TPRG1: variants seen among roughly 807,000 people sequenced by gnomAD.
TPRG1 encodes tumor protein p63-regulated gene 1 protein.
Under a neutral mutation model 29.3 loss-of-function variants are expected in TPRG1, and 29 were observed. The ratio of observed to expected loss-of-function variants is 0.99; its 90% confidence interval spans 0.74 to 1.35. TPRG1 has a LOEUF of 1.35. Ranked by LOEUF, TPRG1 falls within the 40% of genes most tolerant of loss-of-function variation. TPRG1 has a pLI of 0.00. For synonymous variants in TPRG1, 130 were observed against 116.8 expected, an observed-to-expected ratio of 1.11 and a Z score of -0.73; for missense variants, 327 against 335.0, an observed-to-expected ratio of 0.98 and a Z score of 0.19.
At chr3:189,105,124 T>C (rs539189550) in intron 1 of TPRG1, among the ~76,000 whole-genome samples, 4 of 152,306 alleles carry the variant, frequency 2.6e-5, no homozygotes, top group Admixed American at 6.5e-5. Context: ...AACTCTCTGA[T>C]GTTGGTGTTA....
At position 189,039,961 on chromosome 3, in the gene TPRG1, A is replaced by G. The variant is rs1463804360; in HGVS notation, c.-463+16015A>G. Among the ~76,000 whole-genome samples, 6 of 152,182 alleles carry G rather than the reference A, an allele frequency of 3.9e-5. 1 individual carries two copies. In the East Asian group the frequency reaches 5.8e-4, roughly 15 times the overall value. On this transcript the variant is annotated intron_variant, in intron 4 of 10. Transcript: ENST00000433971. ...TTCCTACAAACATGCATTTCCTTATATGTAAACCTCAAGAATCTACTGGAA... is the reference window on the plus strand; with the variant it reads ...TTCCTACAAACATGCATTTCCTTATGTGTAAACCTCAAGAATCTACTGGAA...
intron 5 of TPRG1, among the ~76,000 whole-genome samples, chr3:189,319,996 A>C (rs893496210): frequency 8.5e-5 from 13 of 152,142 alleles, no homozygotes; most frequent in Middle Eastern, 3.4e-3. Flanking sequence ...CCTCAGAAAG[A>C]CTTGCCCTGA....
At chr3:189,221,400 C>A (rs1578889632) in intron 3 of TPRG1, among the ~76,000 whole-genome samples, 1 of 152,144 alleles carries the variant, frequency 6.6e-6, no homozygotes, top group African/African-American at 2.4e-5. Context: ...CACTGTTGTG[C>A]AAAGATTCCA....
chr3:189,030,354 G>C (rs1713867980), intron 4 of TPRG1, among the ~76,000 whole-genome samples: 1 of 152,158 alleles, frequency 6.6e-6, no homozygotes, highest in Non-Finnish European at 1.5e-5. Flanking sequence ...AGTTTACCTG[G>C]ATGTCTTGGA....
chr3:189,132,470 G>A (rs1723220131), exon 3 of TPRG1: 2 of 152,144 alleles, frequency 1.3e-5, no homozygotes, highest in South Asian at 4.1e-4. Flanking sequence ...GAGAAAGAAA[G>A]CAAATTACAA....
chr3:189,010,228 T>C (rs9825820), intron 3 of TPRG1, among the ~76,000 whole-genome samples: 6,218 of 152,220 alleles, frequency 0.041, 417 homozygotes, highest in African/African-American at 0.14. Flanking sequence ...ATGTCTTTGC[T>C]GTTGTGAATA....
At chr3:189,192,390 C>T (rs1384478879) in intron 1 of TPRG1, among the ~76,000 whole-genome samples, 5 of 152,138 alleles carry the variant, frequency 3.3e-5, no homozygotes, top group East Asian at 1.9e-4. Flanking sequence ...CTACTTGGTG[C>T]TAAGGATACC....
chr3:189,217,989 T>C, intron 3 of TPRG1: 1 of 985,354 alleles, frequency 1.0e-6, no homozygotes, highest in Middle Eastern at 5.2e-4. Context: ...TAAACAAACA[T>C]GCAGGCCCAG....
chr3:189,312,621 G>A (rs1329303185), intron 5 of TPRG1, among the ~76,000 whole-genome samples: 2 of 151,982 alleles, frequency 1.3e-5, no homozygotes, highest in African/African-American at 2.4e-5. Context: ...TTCAGCGTGA[G>A]GAATTAAAGA....
Position 189,250,853 on chromosome 3 carries a change from G to A in TPRG1, c.479+11944G>A, listed in dbSNP as rs113438391. Reference sequence around the variant, plus strand: ...TGTCTTTACCTCCCTTGTGCTGTTTGACCTTCAACACCCAGGAAAAGGCAG... The same window carrying A: ...TGTCTTTACCTCCCTTGTGCTGTTTAACCTTCAACACCCAGGAAAAGGCAG... On this transcript the variant is annotated intron_variant, in intron 4 of 5. Coordinates refer to ENST00000345063, the MANE Select transcript of TPRG1 (RefSeq NM_198485.4). Among the ~76,000 whole-genome samples the A allele has an allele frequency of 1.2e-3, 182 of 151,300 alleles. 1 individual carries two copies. The highest frequency in any genetic ancestry group is 4.3e-3 in the African/African-American group (177 of 41,242).
chr3:189,301,224 G>A (rs546166621), intron 4 of TPRG1, among the ~76,000 whole-genome samples: 2 of 148,642 alleles, frequency 1.3e-5, no homozygotes, highest in South Asian at 2.1e-4. Flanking sequence ...ACTTGAACCT[G>A]GGAGGGAGAG....
chr3:189,034,158 A>C lies in TPRG1; in HGVS notation c.-463+10212A>C, dbSNP rs1206780456. The stretch of plus-strand genomic sequence containing the variant: ...ATCTAATGAAAGTTGAGAGGAAAAA[A>C]GGGGACAAATAGAAGTTTTGTAAAT... On this transcript the variant is annotated intron_variant, in intron 4 of 10. Coordinates refer to the TPRG1 transcript ENST00000433971. Among the ~76,000 whole-genome samples, 3 of 152,222 alleles carry C rather than the reference A, an allele frequency of 2.0e-5. No individual in the cohort carries two copies. The South Asian group carries it at 6.2e-4, about 31-fold the overall frequency.
intron 4 of TPRG1, among the ~76,000 whole-genome samples, chr3:189,297,883 A>G (rs1720215549): frequency 6.6e-6 from 1 of 152,150 alleles, no homozygotes; most frequent in Non-Finnish European, 1.5e-5. Context: ...TCATTCATGT[A>G]TGCAAAGCCT....
At chr3:189,108,559 C>A (rs1466851479) in intron 1 of TPRG1, among the ~76,000 whole-genome samples, 1 of 149,042 alleles carries the variant, frequency 6.7e-6, no homozygotes, top group Non-Finnish European at 1.5e-5. Flanking sequence ...CTCGGAACAA[C>A]TGTACGGAAT....
At chr3:189,236,054 G>A (rs1230341061) in intron 3 of TPRG1, among the ~76,000 whole-genome samples, 2 of 152,188 alleles carry the variant, frequency 1.3e-5, no homozygotes, top group Admixed American at 6.5e-5. Flanking sequence ...TTCTCCATGA[G>A]TTCTTAGGGG....
intron 1 of TPRG1, among the ~76,000 whole-genome samples, chr3:189,177,485 CAT>C (rs1057008889): frequency 6.6e-6 from 1 of 150,604 alleles, no homozygotes; most frequent in African/African-American, 2.4e-5. Context: ...TATGTATATA[CAT>C]ATATATGTCT....
At chr3:189,074,031 A>T (rs1462406419) in intron 4 of TPRG1, among the ~76,000 whole-genome samples, 1 of 152,126 alleles carries the variant, frequency 6.6e-6, no homozygotes, top group East Asian at 1.9e-4. Flanking sequence ...GCTGATGAGA[A>T]GTCGGCCATC....
chr3:189,271,004 TTTGA>T (rs991148576), intron 4 of TPRG1, among the ~76,000 whole-genome samples: 1 of 152,184 alleles, frequency 6.6e-6, no homozygotes, highest in African/African-American at 2.4e-5. Context: ...TTGCTCATTA[TTTGA>T]TTGGGTACAC....
intron 3 of TPRG1, among the ~76,000 whole-genome samples, chr3:189,228,264 C>G (rs76624664): frequency 0.022 from 3,334 of 152,026 alleles, 110 homozygotes; most frequent in African/African-American, 0.075. Flanking sequence ...GGAAATACTC[C>G]CAACTTATTC....
Sources: gnomAD v4.1 joint callset for allele counts (sites outside exome capture counted in the v4.1 genomes callset) on GRCh38, gnomAD v4.1.1 for gene constraint, MANE v1.5 for transcripts, NCBI Gene and HGNC (gene_info 2026-07-23, HGNC 2026-07-21) for gene names.